RAPGEF4: variants seen among roughly 807,000 people sequenced by gnomAD.
The protein encoded by RAPGEF4 is RAP guanine-nucleotide-exchange factor (GEF) 4.
A neutral mutation model predicts 147.9 loss-of-function variants in RAPGEF4; 66 were observed. The observed-to-expected ratio is 0.45, with a 90% CI of 0.37 to 0.55. RAPGEF4 has a LOEUF of 0.55. Among genes scored for constraint, RAPGEF4 ranks in the 20% least tolerant of loss-of-function variants. The pLI is 0.00. For missense variants in RAPGEF4, 1,071 were observed against 1,257.3 expected (o/e 0.85, Z 2.24); for synonymous variants, 419 against 442.7 (o/e 0.95, Z 0.67).
intron 4 of RAPGEF4, among the ~76,000 whole-genome samples, chr2:172,880,658 G>A (rs1433991521): frequency 6.6e-6 from 1 of 152,212 alleles, no homozygotes; most frequent in Non-Finnish European, 1.5e-5. Context: ...TTGGTTCAAT[G>A]TTTAGGCTTT....
At chr2:172,811,682 G>T (rs1305224023) in intron 3 of RAPGEF4, among the ~76,000 whole-genome samples, 4 of 152,174 alleles carry the variant, frequency 2.6e-5, no homozygotes, top group African/African-American at 9.7e-5. Context: ...TTTCAGACTT[G>T]GAATCCTGAC....
intron 26 of RAPGEF4, 119 bp downstream of exon 26, chr2:173,030,373 C>T: frequency 1.3e-6 from 1 of 782,276 alleles, no homozygotes; most frequent in Non-Finnish European, 2.1e-6. Context: ...AAAGGTGGGA[C>T]ACTTGGAGGG....
At chr2:172,739,010 A>G (rs1288228218) in intron 1 of RAPGEF4, among the ~76,000 whole-genome samples, 1 of 152,210 alleles carries the variant, frequency 6.6e-6, no homozygotes, top group Non-Finnish European at 1.5e-5. Flanking sequence ...GGGTGTTGCA[A>G]GTGTTGTAGA....
chr2:173,048,993 C>T (rs1685850671), intron 30 of RAPGEF4, among the ~76,000 whole-genome samples: 1 of 152,206 alleles, frequency 6.6e-6, no homozygotes, highest in Non-Finnish European at 1.5e-5. Context: ...CTTTATGACT[C>T]ATTGCTCCAT....
At chr2:172,897,746 T>TTTATTTTATTTTATTTTATC (rs1698646754) in intron 4 of RAPGEF4, among the ~76,000 whole-genome samples, 4 of 149,882 alleles carry the variant, frequency 2.7e-5, no homozygotes, top group African/African-American at 7.4e-5. Flanking sequence ...TTTATTTTAT[T>TTTATTTTATTTTATTTTATC]TTATTTTATT....
chr2:172,802,839 G>T (rs1472499919), intron 3 of RAPGEF4, among the ~76,000 whole-genome samples: 1 of 152,186 alleles, frequency 6.6e-6, no homozygotes, highest in Non-Finnish European at 1.5e-5. Flanking sequence ...CATTCCAAAT[G>T]GGAGAAATTG....
At chr2:172,754,632 C>A (rs1467441525) in intron 1 of RAPGEF4, among the ~76,000 whole-genome samples, 1 of 152,128 alleles carries the variant, frequency 6.6e-6, no homozygotes, top group Non-Finnish European at 1.5e-5. Context: ...GGAATTGGAA[C>A]CCCAGTCCTT....
chr2:172,863,317 A>G (rs1694238023), intron 4 of RAPGEF4, among the ~76,000 whole-genome samples: 1 of 152,226 alleles, frequency 6.6e-6, no homozygotes, highest in South Asian at 2.1e-4. Context: ...AAAATCAATG[A>G]TAAACCAATA....
intron 1 of RAPGEF4, among the ~76,000 whole-genome samples, chr2:172,742,492 G>A (rs1454211785): frequency 6.6e-6 from 1 of 152,008 alleles, no homozygotes; most frequent in Non-Finnish European, 1.5e-5. Flanking sequence ...TGACTTTTTG[G>A]TAAGAATGCA....
intron 4 of RAPGEF4, among the ~76,000 whole-genome samples, chr2:172,859,054 C>A (rs1420023388): frequency 6.6e-6 from 1 of 151,964 alleles, no homozygotes; most frequent in Non-Finnish European, 1.5e-5. Flanking sequence ...TATTTTATGC[C>A]TACATGAAAA....
intron 5 of RAPGEF4, 133 bp downstream of exon 5, chr2:172,918,007 C>T (rs764814352): frequency 3.8e-6 from 3 of 798,134 alleles, no homozygotes; most frequent in East Asian, 2.4e-5. Context: ...AACAAACCTG[C>T]CAGCTCACAC....
rs1199923390 is a variant in RAPGEF4 at position 172,961,128 on chromosome 2, T to A, written c.598T>A (p.Ser200Thr). The change falls in exon 8 of 31, where the codon TCA (serine) becomes ACA (threonine). Residue 200 changes from serine to threonine, a missense_variant. By Grantham distance (58) the Ser-to-Thr change is moderately conservative. Transcript: ENST00000397081. ...RPANTITKVPSEKILRAGKIL... is the reference protein window; with the variant it reads ...RPANTITKVPTEKILRAGKIL... ...CCACCTGATTACAATCCAGGTCCCT[T>A]CAGAGAAGATCCTCAGAGCTGGAAA... 1.2e-6 allele frequency: 2 copies of A among 1,604,924 alleles called. No individual in the cohort carries two copies. Among genetic ancestry groups the A allele is most frequent in the Non-Finnish European group, 8.5e-7 (1 of 1,171,608 alleles).
At chr2:172,767,120 G>T (rs1256478712) in intron 1 of RAPGEF4, among the ~76,000 whole-genome samples, 50 of 151,770 alleles carry the variant, frequency 3.3e-4, no homozygotes, top group Admixed American at 3.3e-3. Flanking sequence ...AATAAGGTTT[G>T]GGTTGTGAAG....
chr2:172,735,829 A>G, upstream of RAPGEF4: 1 of 454,656 alleles, frequency 2.2e-6, no homozygotes, highest in Non-Finnish European at 3.2e-6. Flanking sequence ...AGGCCGCGGG[A>G]GCCCGCGGGG....
chr2:172,984,649 C>A (rs1187640777), intron 11 of RAPGEF4, among the ~76,000 whole-genome samples: 1 of 152,196 alleles, frequency 6.6e-6, no homozygotes, highest in Non-Finnish European at 1.5e-5. Flanking sequence ...GGGAGCCTCA[C>A]CTGGGAAGCC....
At chr2:172,854,460 C>G (rs1364117845) in intron 4 of RAPGEF4, among the ~76,000 whole-genome samples, 2 of 151,810 alleles carry the variant, frequency 1.3e-5, no homozygotes, top group South Asian at 2.1e-4. Context: ...TTCTAACTAT[C>G]TGTTTCTTTG....
chr2:172,840,303 G>A (rs1691435876), intron 4 of RAPGEF4, among the ~76,000 whole-genome samples: 1 of 152,188 alleles, frequency 6.6e-6, no homozygotes, highest in Non-Finnish European at 1.5e-5. Flanking sequence ...AAGGAAAACT[G>A]TTCTCTTAAC....
In RAPGEF4 at chr2:172,744,229, C is replaced by T. The variant is rs532671727; in HGVS notation, c.65+8181C>T. The T allele has an allele frequency of 7.6e-5, 22 of 289,870 alleles. 1 individual carries two copies. Among genetic ancestry groups the T allele is most frequent in the African/African-American group, 2.7e-4 (12 of 44,960 alleles). The allele number at this position is 289,870 out of a possible 1,614,324, so 18.0% of individuals were successfully genotyped here. A position where few individuals can be genotyped will look rare whatever the true frequency, so the allele number is the denominator to read the frequency against. On this transcript the variant is annotated intron_variant, in intron 1 of 30. Transcript: ENST00000397081. ...CAGGGCCTTAGCATCTGGATCTCCC[C>T]GTTTTCTGTTTCCAGTCTGGAAAAC...
At chr2:172,843,631 G>A (rs2149710809) in intron 4 of RAPGEF4, among the ~76,000 whole-genome samples, 1 of 152,216 alleles carries the variant, frequency 6.6e-6, no homozygotes, top group East Asian at 1.9e-4. Context: ...AGCAAAACCT[G>A]ACCTGAACAG....
Sources: gnomAD v4.1 joint callset for allele counts (sites outside exome capture counted in the v4.1 genomes callset) on GRCh38, gnomAD v4.1.1 for gene constraint, MANE v1.5 for transcripts, NCBI Gene and HGNC (gene_info 2026-07-23, HGNC 2026-07-21) for gene names.